Variants in SLMAP observed in about 807,000 individuals in gnomAD.
SLMAP encodes sarcolemmal membrane-associated protein.
A neutral mutation model predicts 128.8 loss-of-function variants in SLMAP; 44 were observed. The ratio of observed to expected loss-of-function variants is 0.34; its 90% CI spans 0.27 to 0.44. The LOEUF is 0.44. Among genes scored for constraint, SLMAP ranks in the 20% least tolerant of loss-of-function variants. SLMAP has a pLI of 1.00. For synonymous variants in SLMAP, 327 were observed against 348.8 expected (o/e 0.94, Z 0.70); for missense variants, 787 against 985.3 (o/e 0.80, Z 2.69).
rs779972405 is a variant in SLMAP, at chr3:57,927,280, G to T, written c.*7-16G>T. 1 of 1,584,366 alleles carries T rather than the reference G, an allele frequency of 6.3e-7. No individual in the cohort carries two copies. The highest frequency in any genetic ancestry group is 1.1e-5 in the South Asian group (1 of 88,520). On this transcript the variant is annotated splice_polypyrimidine_tract_variant and intron_variant, in intron 24 of 24. Transcript: ENST00000671191. Reference sequence around the variant, plus strand: ...GGGGAGAATGTGATATTGACTCTTGGTTTCTTTCCACACAGAAACCCTGGC... The same window carrying T: ...GGGGAGAATGTGATATTGACTCTTGTTTTCTTTCCACACAGAAACCCTGGC...
chr3:57,871,695 C>CAGAGTG lies in SLMAP; in HGVS notation c.1300_1300+5dup. The CAGAGTG allele has an allele frequency of 6.2e-7, 1 of 1,608,176 alleles. No homozygotes were observed. On this transcript the variant is annotated inframe_insertion, in exon 14 of 25. Transcript: ENST00000671191. ...TTTTATTCATCAATTCATAGAATGC[C>CAGAGTG]AGAGTGAGTACAGAGTATTTTTCAC...
intron 17 of SLMAP, chr3:57,897,256 A>G (rs1489099826): frequency 4.0e-6 from 2 of 494,578 alleles, no homozygotes; most frequent in Admixed American, 4.6e-5. Flanking sequence ...ATAAGGTGAA[A>G]ATCTTAACTT....
rs1218208085 is a variant in SLMAP, at chr3:57,912,530, A to G, written c.1849A>G (p.Thr617Ala). ...AGCAAAGGTTGCCTCTGAGCGGGACACTGACATTGCTTCTTTACAAGAAGA... is the reference window on the plus strand; with the variant it reads ...AGCAAAGGTTGCCTCTGAGCGGGACGCTGACATTGCTTCTTTACAAGAAGA... ...AAAKVASERDTDIASLQEELK... is the reference protein window; with the variant it reads ...AAAKVASERDADIASLQEELK... Residue 617 changes from threonine to alanine, a missense_variant, in exon 20 of 25, where the codon ACT becomes GCT. This residue lies in a region of SLMAP where 715 missense variants were observed against 843.6 expected (regional missense o/e 0.85). Coordinates refer to ENST00000671191, the MANE Select transcript of SLMAP (RefSeq NM_001377540.1). The G allele has an allele frequency of 1.2e-6, 2 of 1,614,064 alleles. No homozygotes were observed. Among genetic ancestry groups the G allele is most frequent in the African/African-American group, 2.7e-5 (2 of 74,934 alleles).
intron 2 of SLMAP, among the ~76,000 whole-genome samples, chr3:57,771,095 A>G (rs1360805493): frequency 1.3e-5 from 2 of 151,770 alleles, no homozygotes; most frequent in African/African-American, 4.8e-5. Context: ...AACCTGTATT[A>G]CTTACGCAAA....
chr3:57,845,797 A>T (rs1042440961), intron 4 of SLMAP, among the ~76,000 whole-genome samples: 2 of 151,956 alleles, frequency 1.3e-5, no homozygotes, highest in Non-Finnish European at 2.9e-5. Context: ...AATACATTTA[A>T]TATCCCCAAT....
intron 2 of SLMAP, among the ~76,000 whole-genome samples, chr3:57,808,141 C>T (rs532200614): frequency 6.6e-6 from 1 of 151,332 alleles, no homozygotes; most frequent in South Asian, 2.1e-4. Flanking sequence ...TGTGTCTATT[C>T]TCTCTTTTCT....
In SLMAP at chr3:57,886,190, G is replaced by A. The variant is rs537189111; in HGVS notation, c.1301-3851G>A. Among the ~76,000 whole-genome samples, 8 of 149,516 alleles carry A rather than the reference G, an allele frequency of 5.4e-5. 1 individual carries two copies. In the South Asian group the frequency reaches 1.7e-3, roughly 31 times the overall value. On this transcript the variant is annotated intron_variant, in intron 14 of 24. Coordinates refer to ENST00000671191, the MANE Select transcript of SLMAP (RefSeq NM_001377540.1). ...ATGATCTCAGCTCACTGCAACCTCTGCCACCCAGGTTGAAGCAATTCTCCT... is the reference window on the plus strand; with the variant it reads ...ATGATCTCAGCTCACTGCAACCTCTACCACCCAGGTTGAAGCAATTCTCCT...
At chr3:57,834,483 G>T (rs2093521837) in intron 3 of SLMAP, among the ~76,000 whole-genome samples, 1 of 152,006 alleles carries the variant, frequency 6.6e-6, no homozygotes, top group Non-Finnish European at 1.5e-5. Context: ...ATGGCAAAGA[G>T]AAAAGAAAAA....
intron 2 of SLMAP, among the ~76,000 whole-genome samples, chr3:57,766,781 CTCT>C (rs1181601194): frequency 2.0e-5 from 3 of 152,100 alleles, no homozygotes; most frequent in African/African-American, 7.2e-5. Flanking sequence ...CTAGAATGAC[CTCT>C]TCTTGTCATC....
intron 15 of SLMAP, 91 bp downstream of exon 15, chr3:57,890,191 A>C: frequency 8.0e-7 from 1 of 1,243,968 alleles, no homozygotes; most frequent in Non-Finnish European, 1.2e-6. Flanking sequence ...TTTAACCATC[A>C]GTTTACTTCT....
chr3:57,863,651 A>G (rs376888763), intron 10 of SLMAP, among the ~76,000 whole-genome samples: 33 of 152,238 alleles, frequency 2.2e-4, no homozygotes, highest in South Asian at 1.0e-3. Context: ...CAGCTTTCAT[A>G]GGACTAATAG....
chr3:57,795,430 T>A (rs1041648241), intron 2 of SLMAP, among the ~76,000 whole-genome samples: 1 of 151,988 alleles, frequency 6.6e-6, no homozygotes, highest in African/African-American at 2.4e-5. Context: ...TCCCAGCTAT[T>A]TGGGAGGCTG....
chr3:57,849,544 T>C (rs1384933025), intron 5 of SLMAP, among the ~76,000 whole-genome samples: 1 of 152,178 alleles, frequency 6.6e-6, no homozygotes, highest in Non-Finnish European at 1.5e-5. Flanking sequence ...ATCTGTTGAT[T>C]AGGAGGTTTT....
intron 4 of SLMAP, among the ~76,000 whole-genome samples, chr3:57,843,775 C>CTTTTTTTTTTTTT (rs775541858): frequency 2.0e-3 from 153 of 77,116 alleles, no homozygotes; most frequent in Non-Finnish European, 2.4e-3. Context: ...TCTTTTCTTT[C>CTTTTTTTTTTTTT]TTTTTTTTTT....
chr3:57,869,497 G>T (rs1236506518), intron 13 of SLMAP, among the ~76,000 whole-genome samples: 5 of 150,660 alleles, frequency 3.3e-5, no homozygotes, highest in Admixed American at 2.7e-4. Flanking sequence ...CATGCCTGTT[G>T]TCCCAGTTAC....
chr3:57,896,653 C>G, intron 16 of SLMAP, 62 bp downstream of exon 16: 1 of 1,254,178 alleles, frequency 8.0e-7, no homozygotes, highest in South Asian at 1.4e-5. Context: ...TTATATAGGT[C>G]AATGTGAGTG....
At chr3:57,848,706 C>G (rs1264188565) in intron 5 of SLMAP, among the ~76,000 whole-genome samples, 1 of 110,838 alleles carries the variant, frequency 9.0e-6, no homozygotes, top group African/African-American at 3.3e-5. Context: ...CCTCCTCCTA[C>G]TCCTTTTTTT....
chr3:57,875,049 A>T (rs1448093802), intron 14 of SLMAP, among the ~76,000 whole-genome samples: 1 of 152,188 alleles, frequency 6.6e-6, no homozygotes, highest in East Asian at 1.9e-4. Context: ...ACATGCAGAG[A>T]TAGCACAGAA....
rs77361337 is a variant in SLMAP, at chr3:57,875,577, G to A, written c.1300+3879G>A. 6.8e-3 allele frequency among the ~76,000 whole-genome samples: 1,036 copies of A among 152,288 alleles called. 11 individuals are homozygous for A. Among genetic ancestry groups the A allele is most frequent in the Non-Finnish European group, 7.7e-3 (522 of 68,022 alleles). ...ATTCCCAGACATCTGAATCCTTTCG[G>A]TCCCTGAGTGCAAACAGAGAAAGTT... On this transcript the variant is annotated intron_variant, in intron 14 of 24. Transcript: ENST00000671191.
Sources: allele counts gnomAD v4.1 joint callset (sites outside exome capture counted in the v4.1 genomes callset), GRCh38; gene constraint gnomAD v4.1.1; regional missense constraint gnomAD v4.1.1; transcripts MANE v1.5; gene names NCBI Gene and HGNC (gene_info 2026-07-23, HGNC 2026-07-21).